The following DLGAP1 variants were observed in gnomAD, a reference collection of about 807,000 sequenced individuals.
DLGAP1 encodes the protein disks large-associated protein 1.
Under a neutral mutation model 90.8 loss-of-function variants are expected in DLGAP1, and 11 were observed. The ratio of observed to expected loss-of-function variants is 0.12; its 90% CI spans 0.08 to 0.20. DLGAP1 has a LOEUF of 0.20. DLGAP1 is among the 10% of genes least tolerant of loss of function. The pLI, the probability that DLGAP1 is intolerant of heterozygous loss-of-function variation, is 1.00. For synonymous variants in DLGAP1, 558 were observed against 540.7 expected (o/e 1.03, Z -0.44); for missense variants, 1,050 against 1,333.8 (o/e 0.79, Z 3.31).
chr18:4,239,524 A>C (rs895428661), intron 1 of DLGAP1, among the ~76,000 whole-genome samples: 2 of 152,138 alleles, frequency 1.3e-5, no homozygotes, highest in Non-Finnish European at 2.9e-5. Flanking sequence ...AAACTATAAA[A>C]ATTGATTTCT....
chr18:3,761,563 CTTCT>C lies in DLGAP1; in HGVS notation c.1173-19055_1173-19052del, dbSNP rs774798048. 6.5e-4 allele frequency among the ~76,000 whole-genome samples: 99 copies of C among 151,246 alleles called. 1 individual carries two copies. The highest frequency in any genetic ancestry group is 2.2e-3 in the African/African-American group (89 of 41,146). ...AGTACGAGTGTATCTGTTTCAGTCC[CTTCT>C]TTCTTTCTTTCTTTTTTTTTTTTTT... On this transcript the variant is annotated intron_variant, in intron 5 of 12. Coordinates refer to ENST00000315677, the MANE Select transcript of DLGAP1 (RefSeq NM_004746.4).
chr18:3,536,085 CAT>C (rs199581629), intron 9 of DLGAP1, among the ~76,000 whole-genome samples: 2,684 of 152,190 alleles, frequency 0.018, 50 homozygotes, highest in African/African-American at 0.046. Context: ...CCAAAACTAT[CAT>C]GAATCCTGCA....
intron 5 of DLGAP1, among the ~76,000 whole-genome samples, chr18:3,804,074 A>G (rs1216008561): frequency 1.3e-5 from 2 of 148,914 alleles, no homozygotes; most frequent in African/African-American, 2.5e-5. Context: ...GTTCACTGCA[A>G]CCTCTGCCTC....
chr18:4,124,505 C>T (rs758583752), intron 2 of DLGAP1, among the ~76,000 whole-genome samples: 8 of 152,222 alleles, frequency 5.3e-5, no homozygotes, highest in Non-Finnish European at 8.8e-5. Context: ...GCCTCTGGCT[C>T]GTAAGATACG....
intron 5 of DLGAP1, among the ~76,000 whole-genome samples, chr18:3,778,948 CA>C (rs1488771307): frequency 1.3e-5 from 2 of 152,106 alleles, no homozygotes; most frequent in Non-Finnish European, 2.9e-5. Context: ...CAGAGGCATG[CA>C]AAACCCAGTC....
chr18:3,990,653 A>G (rs1306311742), intron 3 of DLGAP1, among the ~76,000 whole-genome samples: 2 of 148,348 alleles, frequency 1.3e-5, no homozygotes, highest in East Asian at 3.9e-4. Context: ...AATAATAATA[A>G]TAATAATAAT....
chr18:3,913,509 G>A lies in DLGAP1; in HGVS notation c.-72-33369C>T, dbSNP rs559438568. Among the ~76,000 whole-genome samples the A allele has an allele frequency of 1.3e-3, 204 of 152,192 alleles. 2 individuals are homozygous for A. In the Middle Eastern group the frequency reaches 0.017, roughly 13 times the overall value. On this transcript the variant is annotated intron_variant, in intron 3 of 12. Transcript: ENST00000315677. ...TCTACATGGAATATAAAAAATTTCT[G>A]AATTTTCCTTAAGAAGCATATATTT... is the stretch of plus-strand genomic sequence containing the variant.
chr18:3,954,777 A>T (rs960123579), intron 3 of DLGAP1, among the ~76,000 whole-genome samples: 1 of 152,226 alleles, frequency 6.6e-6, no homozygotes, highest in Non-Finnish European at 1.5e-5. Flanking sequence ...ACAACCAAAA[A>T]CACCAGACAA....
At chr18:4,035,388 TATAAG>T (rs1414752639) in intron 2 of DLGAP1, among the ~76,000 whole-genome samples, 1 of 152,090 alleles carries the variant, frequency 6.6e-6, no homozygotes, top group Non-Finnish European at 1.5e-5. Context: ...AAATAAAGTT[TATAAG>T]ATAAGATACC....
chr18:3,988,920 G>A (rs1004342896), intron 3 of DLGAP1, among the ~76,000 whole-genome samples: 1 of 152,220 alleles, frequency 6.6e-6, no homozygotes, highest in African/African-American at 2.4e-5. Flanking sequence ...CCTGACTGCC[G>A]TGGCTTAACT....
intron 1 of DLGAP1, among the ~76,000 whole-genome samples, chr18:4,179,180 A>G (rs1421153981): frequency 6.6e-6 from 1 of 152,144 alleles, no homozygotes; most frequent in Non-Finnish European, 1.5e-5. Context: ...ATAAGTCTGT[A>G]CCTCTTTTTT....
intron 1 of DLGAP1, among the ~76,000 whole-genome samples, chr18:4,280,466 T>C (rs905022418): frequency 2.6e-5 from 4 of 152,182 alleles, no homozygotes; most frequent in African/African-American, 7.2e-5. Flanking sequence ...GCTGAGTATT[T>C]ACTCCCTGAC....
intron 7 of DLGAP1, among the ~76,000 whole-genome samples, chr18:3,634,273 T>A (rs1389783012): frequency 6.6e-6 from 1 of 151,656 alleles, no homozygotes; most frequent in Admixed American, 6.6e-5. Flanking sequence ...AAAAATCAAA[T>A]TAATTAAAAG....
At chr18:4,273,294 C>G (rs529299163) in intron 1 of DLGAP1, among the ~76,000 whole-genome samples, 91 of 152,312 alleles carry the variant, frequency 6.0e-4, no homozygotes, top group African/African-American at 2.1e-3. Flanking sequence ...CTGCCTCTCC[C>G]GCTCTTGCTT....
intron 4 of DLGAP1, among the ~76,000 whole-genome samples, chr18:3,817,205 G>A (rs1218353795): frequency 6.6e-5 from 10 of 152,164 alleles, no homozygotes; most frequent in Non-Finnish European, 5.9e-5. Context: ...GTATGTCAGA[G>A]ACTAATGACA....
chr18:3,675,917 T>C (rs2060281175), intron 7 of DLGAP1, among the ~76,000 whole-genome samples: 1 of 152,234 alleles, frequency 6.6e-6, no homozygotes, highest in African/African-American at 2.4e-5. Flanking sequence ...TCAGCTCTCA[T>C]GAGCCAATAT....
At chr18:3,850,325 G>A (rs2069264729) in intron 4 of DLGAP1, among the ~76,000 whole-genome samples, 1 of 151,978 alleles carries the variant, frequency 6.6e-6, no homozygotes, top group Non-Finnish European at 1.5e-5. Flanking sequence ...TAGTGAGGCA[G>A]AGGTTGCAGT....
At chr18:4,316,824 C>A (rs2080540897) in intron 1 of DLGAP1, among the ~76,000 whole-genome samples, 1 of 152,158 alleles carries the variant, frequency 6.6e-6, no homozygotes, top group African/African-American at 2.4e-5. Context: ...CACAATTTGG[C>A]CACTAGATTT....
intron 1 of DLGAP1, among the ~76,000 whole-genome samples, chr18:4,448,647 G>A (rs1437939652): frequency 6.6e-6 from 1 of 152,164 alleles, no homozygotes; most frequent in Non-Finnish European, 1.5e-5. Flanking sequence ...GTGCCACATG[G>A]AAGGTTAACA....
Sources: gnomAD v4.1 joint callset for allele counts (sites outside exome capture counted in the v4.1 genomes callset) on GRCh38, gnomAD v4.1.1 for gene constraint, MANE v1.5 for transcripts, NCBI Gene and HGNC (gene_info 2026-07-23, HGNC 2026-07-21) for gene names.